Variants in OCIAD2 observed in about 807,000 individuals in gnomAD.
OCIAD2 encodes OCIA domain containing 2, also known as OCIA domain-containing protein 2.
OCIAD2 carries 29 observed loss-of-function variants against 22.9 expected under a neutral mutation model. The ratio of observed to expected loss-of-function variants is 1.27; its 90% CI spans 0.94 to 1.73. OCIAD2 has a LOEUF of 1.73. OCIAD2 is among the 40% of genes most tolerant of loss of function. The probability of loss-of-function intolerance (pLI) is 0.00; values close to 1 mark genes in which losing one functional copy is unlikely to be tolerated. For synonymous variants in OCIAD2, 67 were observed against 60.2 expected, an observed-to-expected ratio of 1.11 and a Z score of -0.52; for missense variants, 189 against 180.3, an observed-to-expected ratio of 1.05 and a Z score of -0.28.
rs140545215 is a variant in OCIAD2 at position 48,902,266 on chromosome 4, T to C, written c.66+2218A>G. 1.0e-3 allele frequency among the ~76,000 whole-genome samples: 158 copies of C among 152,290 alleles called. 1 individual carries two copies. Among genetic ancestry groups the C allele is most frequent in the African/African-American group, 3.7e-3 (152 of 41,564 alleles). ...CTTGCCACTGTCTTTTTTAGACTCT[T>C]TCTGTGTAATAGATGTCAATGTACA... On this transcript the variant is annotated intron_variant, in intron 2 of 6. Coordinates refer to ENST00000508632, the MANE Select transcript of OCIAD2 (RefSeq NM_001014446.3).
At chr4:48,899,958 G>A (rs1197587802) in intron 2 of OCIAD2, 33 bp from the exon 3 acceptor site, 30 of 1,520,672 alleles carry the variant, frequency 2.0e-5, no homozygotes, top group Non-Finnish European at 2.5e-5. Context: ...AGCTAACTGA[G>A]GTCATTGAAA....
Position 48,904,499 on chromosome 4 carries a change from T to C in OCIAD2, c.51A>G (p.Pro17=). 1 of 1,614,008 alleles carries C rather than the reference T, an allele frequency of 6.2e-7. No homozygotes were observed. Among genetic ancestry groups the C allele is most frequent in the Non-Finnish European group, 8.5e-7 (1 of 1,179,910 alleles). The change falls in exon 2 of 7, where the codon CCA becomes CCG. Residue 17 remains proline (P), a synonymous_variant. Transcript: ENST00000508632. ...AAAAGTATACCTGCTTGCTTGGTGG[T>C]GGAAAATGGGCATCTTTATCTTGGT... ...RGNQDKDAHF[P]PPSKQSLLFC... is the part of the protein sequence containing the mutation.
intron 4 of OCIAD2, among the ~76,000 whole-genome samples, chr4:48,895,896 G>T (rs941464507): frequency 6.6e-6 from 1 of 152,164 alleles, no homozygotes; most frequent in South Asian, 2.1e-4. Flanking sequence ...GCTGGATGTG[G>T]TAGCACAGGC....
intron 6 of OCIAD2, among the ~76,000 whole-genome samples, chr4:48,891,081 CT>C (rs1214502634): frequency 1.3e-5 from 2 of 152,080 alleles, no homozygotes; most frequent in Non-Finnish European, 2.9e-5. Flanking sequence ...AAAATTTCCC[CT>C]CTCTACATAC....
intron 4 of OCIAD2, among the ~76,000 whole-genome samples, chr4:48,896,860 C>T (rs1259953635): frequency 1.3e-5 from 2 of 152,042 alleles, no homozygotes; most frequent in African/African-American, 4.8e-5. Flanking sequence ...CACCTGTGGA[C>T]TAAGGAATGT....
intron 6 of OCIAD2, among the ~76,000 whole-genome samples, chr4:48,892,166 T>C (rs554034106): frequency 3.4e-4 from 52 of 152,378 alleles, no homozygotes; most frequent in African/African-American, 1.2e-3. Flanking sequence ...AAATAGCTAA[T>C]GTTTACTGAG....
intron 1 of OCIAD2, among the ~76,000 whole-genome samples, chr4:48,905,596 G>C (rs1461850517): frequency 6.6e-6 from 1 of 152,144 alleles, no homozygotes; most frequent in South Asian, 2.1e-4. Flanking sequence ...GCCTCCTCCT[G>C]CCCCCAGTGG....
intron 2 of OCIAD2, among the ~76,000 whole-genome samples, chr4:48,902,491 G>T (rs561130809): frequency 9.8e-5 from 15 of 152,322 alleles, no homozygotes; most frequent in African/African-American, 3.6e-4. Flanking sequence ...TAAGTCCCAG[G>T]GTGAGTCACA....
chr4:48,889,821 G>A (rs1478668244), intron 6 of OCIAD2, among the ~76,000 whole-genome samples: 2 of 152,124 alleles, frequency 1.3e-5, no homozygotes, highest in Non-Finnish European at 2.9e-5. Flanking sequence ...GTTTATTGTG[G>A]CACTATTCAC....
rs1013298276 is a variant in OCIAD2 at position 48,885,511 on chromosome 4, C to T, written c.438G>A (p.Lys146=). The change falls in exon 7 of 7, where the codon AAG becomes AAA. Residue 146 remains lysine, a synonymous_variant. Transcript: ENST00000508632. The part of the protein sequence containing the change: ...ECKIKHGLSE[K]GDSQPSAS Reference sequence around the variant, plus strand: ...AGGAAGCTGAAGGCTGAGAGTCTCCCTTCTCACTTAATCCATGCTTTATTT... The same window carrying T: ...AGGAAGCTGAAGGCTGAGAGTCTCCTTTCTCACTTAATCCATGCTTTATTT... 2 of 1,610,478 alleles carry T rather than the reference C, an allele frequency of 1.2e-6. No homozygotes were observed. The highest frequency in any genetic ancestry group is 1.7e-6 in the Non-Finnish European group (2 of 1,176,766).
intron 1 of OCIAD2, among the ~76,000 whole-genome samples, chr4:48,904,913 A>G (rs1281104471): frequency 6.6e-6 from 1 of 152,222 alleles, no homozygotes; most frequent in Non-Finnish European, 1.5e-5. Flanking sequence ...AGGAATTCAC[A>G]GTCCAAAAGG....
chr4:48,885,362 A>C lies in OCIAD2; in HGVS notation c.*122T>G. 1 of 707,564 alleles carries C rather than the reference A, an allele frequency of 1.4e-6. No individual in the cohort carries two copies. Among genetic ancestry groups the C allele is most frequent in the South Asian group, 1.7e-5 (1 of 57,860 alleles). 43.8% of individuals were successfully genotyped at this position (707,564 alleles called of 1,614,324 possible). A position where few individuals can be genotyped will look rare whatever the true frequency, so the allele number is the denominator to read the frequency against. On this transcript the variant is annotated 3_prime_UTR_variant, in exon 7 of 7. Coordinates refer to ENST00000508632, the MANE Select transcript of OCIAD2 (RefSeq NM_001014446.3). Reference sequence around the variant, plus strand: ...GAAAGCCTTCCACGGAATACATTTCAGTGAGTGACAGACACAATGTTTTTG... The same window carrying C: ...GAAAGCCTTCCACGGAATACATTTCCGTGAGTGACAGACACAATGTTTTTG...
At chr4:48,894,647 G>A (rs1297188602) in intron 4 of OCIAD2, among the ~76,000 whole-genome samples, 1 of 152,096 alleles carries the variant, frequency 6.6e-6, no homozygotes, top group Non-Finnish European at 1.5e-5. Flanking sequence ...TCAAGCAAAG[G>A]TAGGGCTAAC....
At chr4:48,888,505 A>G (rs1364970156) in intron 6 of OCIAD2, among the ~76,000 whole-genome samples, 2 of 152,138 alleles carry the variant, frequency 1.3e-5, no homozygotes, top group Non-Finnish European at 2.9e-5. Flanking sequence ...TTTGAGATAC[A>G]TCCCATCAAT....
chr4:48,898,039 C>G (rs1270838015), intron 3 of OCIAD2, among the ~76,000 whole-genome samples, 182 bp from the exon 4 acceptor site: 1 of 152,176 alleles, frequency 6.6e-6, no homozygotes, highest in African/African-American at 2.4e-5. Context: ...TTCTTGGAAT[C>G]TTCTCCAGTC....
chr4:48,901,266 A>G (rs1312825605), intron 2 of OCIAD2, among the ~76,000 whole-genome samples: 3 of 151,880 alleles, frequency 2.0e-5, no homozygotes, highest in Admixed American at 1.3e-4. Flanking sequence ...CTGAGTTCCT[A>G]CCACCTCATG....
chr4:48,891,044 A>G (rs908080542), intron 6 of OCIAD2, among the ~76,000 whole-genome samples: 2 of 152,058 alleles, frequency 1.3e-5, no homozygotes, highest in African/African-American at 4.8e-5. Flanking sequence ...CAGCCATAGG[A>G]TGTATTTATG....
intron 6 of OCIAD2, among the ~76,000 whole-genome samples, chr4:48,891,980 C>A (rs2109670793): frequency 6.6e-6 from 1 of 152,240 alleles, no homozygotes; most frequent in South Asian, 2.1e-4. Flanking sequence ...CACTACAGGA[C>A]TAGGGAATGT....
At chr4:48,901,751 A>T (rs997172791) in intron 2 of OCIAD2, among the ~76,000 whole-genome samples, 4 of 151,284 alleles carry the variant, frequency 2.6e-5, no homozygotes, top group African/African-American at 9.7e-5. Context: ...TTTTATTTTT[A>T]TTTTTTTTAG....
Sources: gnomAD v4.1 joint callset for allele counts (sites outside exome capture counted in the v4.1 genomes callset) on GRCh38, gnomAD v4.1.1 for gene constraint, MANE v1.5 for transcripts, NCBI Gene and HGNC (gene_info 2026-07-23, HGNC 2026-07-21) for gene names.